UMAD1: variants seen among roughly 807,000 people sequenced by gnomAD.
The protein encoded by UMAD1 is UBAP1-MVB12-associated (UMA) domain containing 1.
In UMAD1, 8 loss-of-function variants were observed where a neutral mutation model predicts 6.1. That is an observed-to-expected ratio of 1.30 (90% CI 0.76 to 2.35). The LOEUF (loss-of-function observed/expected upper bound fraction) is 2.35. UMAD1 is among the 30% of genes most tolerant of loss of function. UMAD1 has a pLI of 0.00. For synonymous variants in UMAD1, 56 were observed against 31.4 expected (o/e 1.78, Z -2.61); for missense variants, 130 against 78.4 (o/e 1.66, Z -2.49).
intron 2 of UMAD1, among the ~76,000 whole-genome samples, chr7:7,771,395 G>A (rs1782097397): frequency 6.6e-6 from 1 of 152,086 alleles, no homozygotes; most frequent in South Asian, 2.1e-4. Context: ...AAAGCTGATG[G>A]TTAGGGGGTG....
chr7:7,640,898 C>G (rs1784954496), intron 1 of UMAD1, 77 bp downstream of exon 1: 1 of 170,740 alleles, frequency 5.9e-6, no homozygotes, highest in Non-Finnish European at 1.3e-5. Context: ...AAGAGCTAGG[C>G]GGGAGTCGGC....
intron 2 of UMAD1, among the ~76,000 whole-genome samples, chr7:7,764,810 C>G (rs776579538): frequency 2.6e-5 from 4 of 152,098 alleles, no homozygotes; most frequent in Admixed American, 2.0e-4. Flanking sequence ...CTCTAAGCAC[C>G]CTTTTTGATC....
intron 1 of UMAD1, among the ~76,000 whole-genome samples, chr7:7,669,506 A>C (rs1779552342): frequency 6.6e-6 from 1 of 152,200 alleles, no homozygotes; most frequent in Non-Finnish European, 1.5e-5. Context: ...AGCTGATGGC[A>C]GATTTTAGTG....
chr7:7,764,805 A>G (rs1299117444), intron 2 of UMAD1, among the ~76,000 whole-genome samples: 1 of 152,118 alleles, frequency 6.6e-6, no homozygotes, highest in Non-Finnish European at 1.5e-5. Context: ...CCTTTCTCTA[A>G]GCACCCTTTT....
At chr7:7,673,672 C>A (rs1308046250) in intron 2 of UMAD1, among the ~76,000 whole-genome samples, 1 of 150,982 alleles carries the variant, frequency 6.6e-6, no homozygotes, top group South Asian at 2.1e-4. Context: ...TGGCTGTGTT[C>A]TCCAAGTTAA....
chr7:7,805,921 T>A (rs1782904272), intron 3 of UMAD1, among the ~76,000 whole-genome samples: 1 of 152,206 alleles, frequency 6.6e-6, no homozygotes, highest in Non-Finnish European at 1.5e-5. Flanking sequence ...GCTATCTGCT[T>A]CTCCTGACTA....
intron 2 of UMAD1, among the ~76,000 whole-genome samples, chr7:7,757,714 C>T (rs892327256): frequency 6.6e-6 from 1 of 152,178 alleles, no homozygotes; most frequent in African/African-American, 2.4e-5. Context: ...TTTAGCTTCT[C>T]TGAAATGAAC....
intron 3 of UMAD1, among the ~76,000 whole-genome samples, chr7:7,826,056 G>T (rs1228403754): frequency 3.9e-5 from 6 of 152,002 alleles, no homozygotes; most frequent in East Asian, 1.9e-4. Context: ...TGTTGTATTG[G>T]TTTTTTTCTA....
chr7:7,862,936 T>C (rs1452779512), intron 3 of UMAD1, among the ~76,000 whole-genome samples: 1 of 152,208 alleles, frequency 6.6e-6, no homozygotes, highest in Non-Finnish European at 1.5e-5. Flanking sequence ...AAAATTATGA[T>C]AATGTCTAGG....
chr7:7,681,415 A>G (rs755487533), intron 2 of UMAD1, among the ~76,000 whole-genome samples: 6 of 152,154 alleles, frequency 3.9e-5, no homozygotes, highest in Non-Finnish European at 7.4e-5. Flanking sequence ...TGGGCTGTTC[A>G]TATACAGTTA....
chr7:7,849,857 G>A (rs911869080), intron 3 of UMAD1, among the ~76,000 whole-genome samples: 1 of 152,108 alleles, frequency 6.6e-6, no homozygotes, highest in Non-Finnish European at 1.5e-5. Flanking sequence ...GCCTCTCTGA[G>A]TGGTTTTAAG....
chr7:7,694,819 G>C (rs1780268711), intron 2 of UMAD1, among the ~76,000 whole-genome samples: 1 of 152,068 alleles, frequency 6.6e-6, no homozygotes, highest in Non-Finnish European at 1.5e-5. Flanking sequence ...CCAAATCTTA[G>C]CTATTGTGAA....
intron 3 of UMAD1, among the ~76,000 whole-genome samples, chr7:7,806,562 A>G (rs1414540382): frequency 6.6e-6 from 1 of 152,216 alleles, no homozygotes; most frequent in African/African-American, 2.4e-5. Context: ...TAATCCACTT[A>G]TCTTTATTAA....
At chr7:7,823,431 C>A (rs1783280190) in intron 3 of UMAD1, among the ~76,000 whole-genome samples, 2 of 152,182 alleles carry the variant, frequency 1.3e-5, no homozygotes, top group South Asian at 4.1e-4. Flanking sequence ...GATCTGGCAA[C>A]CCCCGCCATA....
chr7:7,801,111 C>G (rs549601826), intron 2 of UMAD1, among the ~76,000 whole-genome samples: 13 of 152,296 alleles, frequency 8.5e-5, no homozygotes, highest in African/African-American at 2.6e-4. Flanking sequence ...AGTAATGTAA[C>G]CCAGTCAGGC....
intron 2 of UMAD1, among the ~76,000 whole-genome samples, chr7:7,685,167 A>T (rs2115128178): frequency 6.6e-6 from 1 of 152,274 alleles, no homozygotes; most frequent in East Asian, 1.9e-4. Flanking sequence ...GGGTTGGAAG[A>T]CCTGAATGTC....
chr7:7,708,609 GGACA>G (rs2115166070), intron 2 of UMAD1, among the ~76,000 whole-genome samples: 1 of 152,118 alleles, frequency 6.6e-6, no homozygotes, highest in Admixed American at 6.5e-5. Context: ...TGTCCTTTTG[GGACA>G]GACCTCAAAA....
At chr7:7,789,849 T>G (rs1274264824) in intron 2 of UMAD1, among the ~76,000 whole-genome samples, 1 of 152,240 alleles carries the variant, frequency 6.6e-6, no homozygotes, top group African/African-American at 2.4e-5. Flanking sequence ...TTCATTCATC[T>G]GTCAGTGAAG....
At chr7:7,767,548 G>A (rs1050537630) in intron 2 of UMAD1, among the ~76,000 whole-genome samples, 5 of 152,116 alleles carry the variant, frequency 3.3e-5, no homozygotes, top group Admixed American at 3.3e-4. Flanking sequence ...TTTAATAAAA[G>A]GATAAATATT....
Sources: allele counts gnomAD v4.1 joint callset (sites outside exome capture counted in the v4.1 genomes callset), GRCh38; gene constraint gnomAD v4.1.1; transcripts MANE v1.5; gene names NCBI Gene and HGNC (gene_info 2026-07-23, HGNC 2026-07-21).